The following FAM193A variants were observed in gnomAD, a reference collection of about 807,000 sequenced individuals.
FAM193A encodes the protein family with sequence similarity 193 member A.
In FAM193A, 22 loss-of-function variants were observed where a neutral mutation model predicts 126.5. The ratio of observed to expected loss-of-function variants is 0.17; its 90% CI spans 0.12 to 0.25. The LOEUF (loss-of-function observed/expected upper bound fraction) is 0.25. Among genes scored for constraint, FAM193A ranks in the 10% least tolerant of loss-of-function variants. FAM193A has a pLI of 1.00. For synonymous variants in FAM193A, 761 were observed against 646.8 expected (o/e 1.18, Z -2.68); for missense variants, 1,675 against 1,672.8 (o/e 1.00, Z -0.02).
At chr4:2,542,524 T>C (rs1737295662) in intron 1 of FAM193A, among the ~76,000 whole-genome samples, 1 of 152,240 alleles carries the variant, frequency 6.6e-6, no homozygotes, top group Admixed American at 6.5e-5. Flanking sequence ...AAAGAAACTC[T>C]TTATGGTAAC....
intron 13 of FAM193A, among the ~76,000 whole-genome samples, chr4:2,685,968 T>TA (rs1003475343): frequency 3.3e-5 from 5 of 152,254 alleles, no homozygotes; most frequent in Non-Finnish European, 7.3e-5. Context: ...TGGGTTTGTA[T>TA]AACGAGTGAA....
intron 12 of FAM193A, among the ~76,000 whole-genome samples, chr4:2,663,746 C>T (rs1341941262): frequency 6.6e-6 from 1 of 152,164 alleles, no homozygotes; most frequent in Non-Finnish European, 1.5e-5. Flanking sequence ...GTGGGTGGAT[C>T]AGTTGAGGCC....
At chr4:2,597,690 C>T (rs1237210186) in intron 2 of FAM193A, among the ~76,000 whole-genome samples, 3 of 152,148 alleles carry the variant, frequency 2.0e-5, no homozygotes, top group Non-Finnish European at 2.9e-5. Flanking sequence ...TTTGTGGATT[C>T]GGACCAGCTG....
chr4:2,589,045 A>G (rs1354865098), intron 1 of FAM193A, among the ~76,000 whole-genome samples: 1 of 152,210 alleles, frequency 6.6e-6, no homozygotes, highest in Non-Finnish European at 1.5e-5. Context: ...CAGAGCAGGG[A>G]TATGAAACTT....
chr4:2,697,811 AAC>A (rs982914491), intron 18 of FAM193A, among the ~76,000 whole-genome samples: 8 of 152,190 alleles, frequency 5.3e-5, no homozygotes, highest in African/African-American at 1.7e-4. Flanking sequence ...GAGTGCAGAG[AAC>A]ACAGTGTGTC....
intron 1 of FAM193A, among the ~76,000 whole-genome samples, chr4:2,563,113 T>G (rs1738728164): frequency 6.6e-6 from 1 of 151,544 alleles, no homozygotes; most frequent in Non-Finnish European, 1.5e-5. Context: ...CCCAGCTAAT[T>G]TTTGTATTTT....
chr4:2,555,819 G>A (rs1366748885), intron 1 of FAM193A, among the ~76,000 whole-genome samples: 5 of 152,016 alleles, frequency 3.3e-5, no homozygotes, highest in African/African-American at 7.2e-5. Flanking sequence ...GGGTTTCACC[G>A]TGTTAGCCGG....
intron 1 of FAM193A, among the ~76,000 whole-genome samples, chr4:2,579,002 G>C (rs1385297670): frequency 6.6e-6 from 1 of 151,830 alleles, no homozygotes; most frequent in Non-Finnish European, 1.5e-5. Flanking sequence ...GTCTCGCTCT[G>C]TCACCCAGGC....
chr4:2,731,827 T>A lies in FAM193A; in HGVS notation c.4507T>A (p.Ser1503Thr). 4 of 1,613,762 alleles carry A rather than the reference T, an allele frequency of 2.5e-6. No homozygotes were observed. Among genetic ancestry groups the A allele is most frequent in the Non-Finnish European group, 3.4e-6 (4 of 1,179,768 alleles). The change falls in exon 21 of 21, where the codon TCC becomes ACC. Residue 1503 changes from serine (S) to threonine (T), a missense_variant. By Grantham distance (58) the Ser-to-Thr change is moderately conservative (BLOSUM62 1). This residue lies in a region of FAM193A where 20 missense variants were observed against 52.2 expected (regional missense o/e 0.38). Coordinates refer to ENST00000637812, the MANE Select transcript of FAM193A (RefSeq NM_001366318.2). ...CCGACAAAGACTGTCTATCAACTGG[T>A]CCAATTTTAGCTTGAAAAAAGCCAC... ...QTRQRLSINW[S>T]NFSLKKATFA...
intron 2 of FAM193A, among the ~76,000 whole-genome samples, chr4:2,622,366 G>T (rs1742605332): frequency 6.6e-6 from 1 of 152,100 alleles, no homozygotes; most frequent in Non-Finnish European, 1.5e-5. Context: ...AGAGGGCGGT[G>T]GTGTATGTCC....
intron 12 of FAM193A, among the ~76,000 whole-genome samples, chr4:2,670,419 G>T (rs1182943554): frequency 6.6e-6 from 1 of 151,850 alleles, no homozygotes; most frequent in Non-Finnish European, 1.5e-5. Flanking sequence ...ACTCACTCCT[G>T]TTAACCGTTT....
chr4:2,615,843 A>G (rs1411305809), intron 2 of FAM193A, among the ~76,000 whole-genome samples: 4 of 151,582 alleles, frequency 2.6e-5, no homozygotes, highest in African/African-American at 9.7e-5. Flanking sequence ...ACAGAGTCTC[A>G]GTCTGTGCCC....
chr4:2,655,258 C>G, intron 7 of FAM193A: 1 of 463,668 alleles, frequency 2.2e-6, no homozygotes, highest in Non-Finnish European at 3.9e-6. Context: ...AGGAAGATGT[C>G]AAAATTGATG....
At chr4:2,711,424 C>G (rs1358504305) in intron 19 of FAM193A, among the ~76,000 whole-genome samples, 3 of 151,766 alleles carry the variant, frequency 2.0e-5, no homozygotes, top group Admixed American at 2.0e-4. Flanking sequence ...ACTGCCACCT[C>G]TGCCTCCTGG....
intron 19 of FAM193A, among the ~76,000 whole-genome samples, chr4:2,704,231 C>T (rs1446869864): frequency 1.3e-5 from 2 of 149,886 alleles, no homozygotes; most frequent in African/African-American, 4.9e-5. Context: ...CCACTGCCCT[C>T]CAGCCTGGCA....
At chr4:2,641,466 T>C (rs1344977273) in intron 6 of FAM193A, among the ~76,000 whole-genome samples, 29 of 151,258 alleles carry the variant, frequency 1.9e-4, no homozygotes, top group Admixed American at 1.9e-3. Context: ...CCATCCTGGC[T>C]AACACGGTGA....
At chr4:2,685,198 AGTGGAGCCTGGTGACGTG>A (rs1391373869) in intron 13 of FAM193A, among the ~76,000 whole-genome samples, 3 of 152,086 alleles carry the variant, frequency 2.0e-5, no homozygotes, top group African/African-American at 7.2e-5. Context: ...CAGTGTATCA[AGTGGAGCCTGGTGACGTG>A]GTGTAAGGGG....
intron 1 of FAM193A, among the ~76,000 whole-genome samples, chr4:2,581,499 C>T (rs1304170017): frequency 1.3e-5 from 2 of 152,116 alleles, no homozygotes; most frequent in African/African-American, 4.8e-5. Context: ...GGCAATCCGC[C>T]TGTCTGGGCC....
chr4:2,713,104 CAAAA>C (rs529104464), intron 19 of FAM193A, among the ~76,000 whole-genome samples: 1 of 77,380 alleles, frequency 1.3e-5, no homozygotes. Flanking sequence ...GACTCTGCTT[CAAAA>C]AAAAAAAAAA....
Sources: allele counts gnomAD v4.1 joint callset (sites outside exome capture counted in the v4.1 genomes callset), GRCh38; gene constraint gnomAD v4.1.1; regional missense constraint gnomAD v4.1.1; transcripts MANE v1.5; gene names NCBI Gene and HGNC (gene_info 2026-07-23, HGNC 2026-07-21).